The following MEMO1 variants were observed in gnomAD, a reference collection of about 807,000 sequenced individuals.
MEMO1 encodes the protein protein MEMO1.
In MEMO1, 6 loss-of-function variants were observed where a neutral mutation model predicts 45.2. The observed-to-expected ratio is 0.13, with a 90% CI of 0.07 to 0.26. The LOEUF (loss-of-function observed/expected upper bound fraction) is 0.26, where lower values mean the gene tolerates loss of function less well. Among genes scored for constraint, MEMO1 ranks in the 10% least tolerant of loss-of-function variants. MEMO1 has a pLI of 1.00. For synonymous variants in MEMO1, 78 were observed against 124.3 expected, an observed-to-expected ratio of 0.63 and a Z score of 2.48; for missense variants, 184 against 370.5, an observed-to-expected ratio of 0.50 and a Z score of 4.13.
At chr2:31,919,684 T>G (rs13414295) in intron 5 of MEMO1, among the ~76,000 whole-genome samples, 22,664 of 151,668 alleles carry the variant, frequency 0.15, 1,934 homozygotes, top group Middle Eastern at 0.22. Flanking sequence ...TTAATTGGGT[T>G]TGGTGATGTG....
At chr2:31,877,805 T>A (rs1674772034) in intron 8 of MEMO1, among the ~76,000 whole-genome samples, 1 of 152,138 alleles carries the variant, frequency 6.6e-6, no homozygotes, top group African/African-American at 2.4e-5. Context: ...TAAATATATA[T>A]TTATTATAAA....
chr2:31,871,597 G>A (rs1404913131), intron 8 of MEMO1, among the ~76,000 whole-genome samples: 1 of 151,890 alleles, frequency 6.6e-6, no homozygotes, highest in Non-Finnish European at 1.5e-5. Context: ...GCCACTCTCA[G>A]ATTGGTCCAC....
chr2:31,965,818 A>C (rs1267239821), intron 2 of MEMO1, among the ~76,000 whole-genome samples: 1 of 152,140 alleles, frequency 6.6e-6, no homozygotes, highest in East Asian at 1.9e-4. Flanking sequence ...GTGGCCTGTC[A>C]GGGGGTTGTG....
chr2:31,945,212 A>G (rs1226872206), intron 2 of MEMO1, among the ~76,000 whole-genome samples: 1 of 152,186 alleles, frequency 6.6e-6, no homozygotes, highest in Non-Finnish European at 1.5e-5. Context: ...TGTTGCCCTA[A>G]ATCATTCATT....
intron 3 of MEMO1, among the ~76,000 whole-genome samples, chr2:31,933,350 T>A (rs1348547920): frequency 0.024 from 294 of 12,222 alleles, 21 homozygotes; most frequent in Non-Finnish European, 0.026. Flanking sequence ...AAAAAAAAAA[T>A]TTATATATAT....
intron 2 of MEMO1, among the ~76,000 whole-genome samples, chr2:31,958,865 G>T (rs1572812029): frequency 6.6e-6 from 1 of 152,072 alleles, no homozygotes; most frequent in African/African-American, 2.4e-5. Flanking sequence ...TGACCAAGCT[G>T]GTCTAAAACT....
intron 6 of MEMO1, among the ~76,000 whole-genome samples, chr2:31,915,687 G>A (rs1681337548): frequency 6.6e-6 from 1 of 152,118 alleles, no homozygotes; most frequent in Non-Finnish European, 1.5e-5. Context: ...TCTCAACAGA[G>A]AGCCAGCACT....
At chr2:31,872,253 G>A (rs907484825) in intron 8 of MEMO1, among the ~76,000 whole-genome samples, 5 of 152,024 alleles carry the variant, frequency 3.3e-5, no homozygotes, top group Non-Finnish European at 7.4e-5. Context: ...CTAATTGTAG[G>A]CTCTTTCTCA....
intron 6 of MEMO1, among the ~76,000 whole-genome samples, chr2:31,906,717 A>G (rs1165007888): frequency 6.6e-6 from 1 of 152,174 alleles, no homozygotes; most frequent in Non-Finnish European, 1.5e-5. Context: ...AAATACAAGT[A>G]TTTTACAACG....
In MEMO1 at chr2:31,926,517, A is replaced by C. The variant is rs181480184; in HGVS notation, c.212+5550T>G. Among the ~76,000 whole-genome samples, 110 of 152,244 alleles carry C rather than the reference A, an allele frequency of 7.2e-4. 1 individual carries two copies. Among genetic ancestry groups the C allele is most frequent in the African/African-American group, 2.6e-3 (107 of 41,542 alleles). ...TAAGCTTGATAGCCTCCAAAGAATT[A>C]ATGATTTTTTCTGATAAAATACATG... is the stretch of plus-strand genomic sequence containing the variant. On this transcript the variant is annotated intron_variant, in intron 4 of 9. Coordinates refer to ENST00000404530, the MANE Select transcript of MEMO1 (RefSeq NM_001301833.4).
In MEMO1 at chr2:31,972,972, T is replaced by C. The variant is rs530964405; in HGVS notation, c.62-29589A>G. The stretch of plus-strand genomic sequence containing the variant: ...CAATGAGCTACCACTTCATACCTAC[T>C]AGGATGGCTATTTTTAAAAAAGGGA... On this transcript the variant is annotated intron_variant, in intron 2 of 9. Transcript: ENST00000404530. Among the ~76,000 whole-genome samples the C allele has an allele frequency of 5.3e-5, 8 of 152,222 alleles. No homozygotes were observed. The East Asian group carries it at 1.5e-3, about 29-fold the overall frequency.
intron 2 of MEMO1, among the ~76,000 whole-genome samples, chr2:31,944,516 T>A (rs1665974898): frequency 6.6e-6 from 1 of 152,196 alleles, no homozygotes; most frequent in South Asian, 2.1e-4. Flanking sequence ...AACTACTTCA[T>A]CTTCCCACCA....
chr2:31,908,464 T>G (rs550331983), intron 6 of MEMO1, among the ~76,000 whole-genome samples: 2 of 152,078 alleles, frequency 1.3e-5, no homozygotes, highest in South Asian at 4.1e-4. Flanking sequence ...AAACGTGAAT[T>G]AAAAACCAAT....
At chr2:31,951,136 T>C (rs1005492737) in intron 2 of MEMO1, among the ~76,000 whole-genome samples, 2 of 152,232 alleles carry the variant, frequency 1.3e-5, no homozygotes, top group African/African-American at 4.8e-5. Flanking sequence ...ACACCTTCTG[T>C]AATTGGTATT....
In MEMO1 at chr2:31,916,854, G is replaced by C. The variant is rs191939965; in HGVS notation, c.437+1072C>G. On this transcript the variant is annotated intron_variant, in intron 6 of 9. Coordinates refer to ENST00000404530, the MANE Select transcript of MEMO1 (RefSeq NM_001301833.4). Reference sequence around the variant, plus strand: ...ATAATACTTTGAATACAGAATTAGAGTGGAAAACAATCCAAAAAGACTGCG... The same window carrying C: ...ATAATACTTTGAATACAGAATTAGACTGGAAAACAATCCAAAAAGACTGCG... Among the ~76,000 whole-genome samples, 40 of 152,214 alleles carry C rather than the reference G, an allele frequency of 2.6e-4. No individual in the cohort carries two copies. The East Asian group carries it at 6.7e-3, about 26-fold the overall frequency.
chr2:31,894,130 AC>A (rs998645512), intron 6 of MEMO1, among the ~76,000 whole-genome samples: 3 of 152,204 alleles, frequency 2.0e-5, no homozygotes, highest in African/African-American at 7.2e-5. Flanking sequence ...GTCAAAAACA[AC>A]CATCTTTGTG....
intron 7 of MEMO1, among the ~76,000 whole-genome samples, chr2:31,891,381 G>T (rs1005624832): frequency 6.6e-6 from 1 of 152,022 alleles, no homozygotes; most frequent in African/African-American, 2.4e-5. Context: ...CTCTTACAAC[G>T]TACTCACTGT....
chr2:31,984,532 G>A (rs991382899), intron 2 of MEMO1, among the ~76,000 whole-genome samples: 1 of 152,208 alleles, frequency 6.6e-6, no homozygotes, highest in South Asian at 2.1e-4. Flanking sequence ...TTAGTGGGCT[G>A]TGCGCAGTGG....
At chr2:31,949,958 T>G (rs149906890) in intron 2 of MEMO1, among the ~76,000 whole-genome samples, 1 of 152,194 alleles carries the variant, frequency 6.6e-6, no homozygotes, top group Non-Finnish European at 1.5e-5. Flanking sequence ...CCATCAATAT[T>G]TGGGTGCACC....
Sources: gnomAD v4.1 joint callset for allele counts (sites outside exome capture counted in the v4.1 genomes callset) on GRCh38, gnomAD v4.1.1 for gene constraint, MANE v1.5 for transcripts, NCBI Gene and HGNC (gene_info 2026-07-23, HGNC 2026-07-21) for gene names.